Variants in FAF1 observed in about 807,000 individuals in gnomAD.
FAF1 encodes the protein Fas associated factor 1.
A neutral mutation model predicts 92.5 loss-of-function variants in FAF1; 25 were observed. The observed-to-expected ratio is 0.27, with a 90% CI of 0.20 to 0.38. The LOEUF (loss-of-function observed/expected upper bound fraction) is 0.38. Ranked by LOEUF, FAF1 falls within the 10% of genes least tolerant of loss-of-function variation. The pLI is 1.00. For synonymous variants in FAF1, 234 were observed against 273.2 expected, an observed-to-expected ratio of 0.86 and a Z score of 1.42; for missense variants, 636 against 793.3, an observed-to-expected ratio of 0.80 and a Z score of 2.38.
At chr1:50,509,643 G>A (rs1647107896) in intron 15 of FAF1, among the ~76,000 whole-genome samples, 1 of 151,938 alleles carries the variant, frequency 6.6e-6, no homozygotes, top group Non-Finnish European at 1.5e-5. Context: ...CAAAAGAAGT[G>A]CCTGGTAATA....
intron 6 of FAF1, among the ~76,000 whole-genome samples, chr1:50,719,016 T>C (rs553175413): frequency 2.0e-5 from 3 of 152,208 alleles, no homozygotes; most frequent in Non-Finnish European, 4.4e-5. Context: ...TTGTAGCTAA[T>C]GCAGCTAGCA....
At chr1:50,466,322 A>C (rs2148992766) in intron 18 of FAF1, among the ~76,000 whole-genome samples, 1 of 152,314 alleles carries the variant, frequency 6.6e-6, no homozygotes, top group East Asian at 1.9e-4. Flanking sequence ...TAATCAGATA[A>C]GGAAGACTAT....
intron 1 of FAF1, among the ~76,000 whole-genome samples, chr1:50,947,360 T>G (rs753834384): frequency 6.6e-6 from 1 of 152,184 alleles, no homozygotes; most frequent in African/African-American, 2.4e-5. Flanking sequence ...GCACATAACC[T>G]GAAAACTCCT....
At chr1:50,698,010 A>G (rs1411808008) in intron 7 of FAF1, among the ~76,000 whole-genome samples, 1 of 152,208 alleles carries the variant, frequency 6.6e-6, no homozygotes, top group African/African-American at 2.4e-5. Context: ...GTTGTAACCA[A>G]ATAACCTTTG....
At chr1:50,899,804 C>T (rs981168573) in intron 1 of FAF1, among the ~76,000 whole-genome samples, 1 of 152,140 alleles carries the variant, frequency 6.6e-6, no homozygotes, top group Non-Finnish European at 1.5e-5. Context: ...ATTGATCTTT[C>T]TCAGGCTTCT....
At chr1:50,591,054 C>T (rs1651479703) in intron 9 of FAF1, among the ~76,000 whole-genome samples, 2 of 151,212 alleles carry the variant, frequency 1.3e-5, no homozygotes, top group African/African-American at 4.8e-5. Context: ...AGTTTTCAGT[C>T]TTTCACCCTT....
intron 9 of FAF1, among the ~76,000 whole-genome samples, chr1:50,591,580 C>T (rs79206010): frequency 0.048 from 7,175 of 149,022 alleles, 554 homozygotes; most frequent in African/African-American, 0.16. Context: ...GACTGAGGCA[C>T]GAGAATAGCT....
intron 9 of FAF1, among the ~76,000 whole-genome samples, chr1:50,589,543 A>C (rs994235443): frequency 1.1e-4 from 17 of 152,100 alleles, no homozygotes; most frequent in African/African-American, 4.1e-4. Flanking sequence ...TATATTACTT[A>C]GTTTTAGGAG....
chr1:50,549,698 C>T (rs894836608), intron 13 of FAF1, among the ~76,000 whole-genome samples: 19 of 152,008 alleles, frequency 1.2e-4, no homozygotes, highest in South Asian at 6.2e-4. Context: ...TTGCTTGAAC[C>T]GGGGAGGTGG....
chr1:50,472,669 C>T (rs1646591578), intron 18 of FAF1, among the ~76,000 whole-genome samples: 1 of 152,128 alleles, frequency 6.6e-6, no homozygotes, highest in Admixed American at 6.6e-5. Flanking sequence ...AAACCAGTCT[C>T]TGCTTTGTGG....
intron 8 of FAF1, among the ~76,000 whole-genome samples, chr1:50,616,683 T>A (rs1284175238): frequency 7.5e-6 from 1 of 132,958 alleles, no homozygotes; most frequent in Admixed American, 7.1e-5. Context: ...GTATACTGAT[T>A]TTTTTTTTTT....
At position 50,959,921 on chromosome 1, in the gene FAF1, G is replaced by T; in HGVS notation, c.-110C>A. 1 of 639,438 alleles carries T rather than the reference G, an allele frequency of 1.6e-6. No individual in the cohort carries two copies. Among genetic ancestry groups the T allele is most frequent in the South Asian group, 7.1e-5 (1 of 14,058 alleles). The allele number at this position is 639,438 out of a possible 1,614,324, so 39.6% of individuals were successfully genotyped here. On this transcript the variant is annotated 5_prime_UTR_variant, in exon 1 of 19. Coordinates refer to ENST00000396153, the MANE Select transcript of FAF1 (RefSeq NM_007051.3). ...CCGCCGCCGCCGCCGGGCGCCGAGG[G>T]GCTGGCGGGCGAGCCGGCGGGCGGG...
intron 18 of FAF1, among the ~76,000 whole-genome samples, chr1:50,461,010 G>A (rs148378561): frequency 3.1e-4 from 47 of 152,234 alleles, no homozygotes; most frequent in African/African-American, 1.0e-3. Flanking sequence ...GTTATGTACC[G>A]AGTGGTTGAT....
At chr1:50,468,021 C>G (rs1007529756) in intron 18 of FAF1, among the ~76,000 whole-genome samples, 1 of 152,080 alleles carries the variant, frequency 6.6e-6, no homozygotes, top group African/African-American at 2.4e-5. Context: ...CTAGTCTGGG[C>G]AACATGGCAA....
chr1:50,749,967 A>G (rs1428141069), intron 4 of FAF1, among the ~76,000 whole-genome samples: 3 of 152,160 alleles, frequency 2.0e-5, no homozygotes, highest in African/African-American at 7.2e-5. Context: ...TTTGAGTTGT[A>G]TTATTATTAT....
intron 17 of FAF1, among the ~76,000 whole-genome samples, chr1:50,488,905 T>C (rs1646797623): frequency 6.6e-6 from 1 of 152,198 alleles, no homozygotes; most frequent in African/African-American, 2.4e-5. Context: ...GTCCTCAGAG[T>C]GCAGACTAGG....
chr1:50,692,061 C>A (rs1268636313), intron 7 of FAF1, among the ~76,000 whole-genome samples: 1 of 152,020 alleles, frequency 6.6e-6, no homozygotes, highest in Non-Finnish European at 1.5e-5. Flanking sequence ...ACAAAAAATA[C>A]AAAAATTAGC....
rs74700695 is a variant in FAF1, at chr1:50,911,014, T to A, written c.45+48753A>T. On this transcript the variant is annotated intron_variant, in intron 1 of 18. Coordinates refer to ENST00000396153, the MANE Select transcript of FAF1 (RefSeq NM_007051.3). Reference sequence around the variant, plus strand: ...CCTATTTGGCCATCTTGGAACCTCCTTTCACCTTCCTTTTTCTCCTAAGGT... The same window carrying A: ...CCTATTTGGCCATCTTGGAACCTCCATTCACCTTCCTTTTTCTCCTAAGGT... Among the ~76,000 whole-genome samples the A allele has an allele frequency of 7.7e-3, 1,174 of 152,120 alleles. 13 individuals are homozygous for A. The highest frequency in any genetic ancestry group is 0.027 in the African/African-American group (1,134 of 41,532).
intron 2 of FAF1, among the ~76,000 whole-genome samples, chr1:50,805,212 TAAG>T (rs1662145878): frequency 6.6e-6 from 1 of 152,240 alleles, no homozygotes; most frequent in Non-Finnish European, 1.5e-5. Context: ...TAATGTATTT[TAAG>T]AAGAACATCT....
Sources: allele counts gnomAD v4.1 joint callset (sites outside exome capture counted in the v4.1 genomes callset), GRCh38; gene constraint gnomAD v4.1.1; transcripts MANE v1.5; gene names NCBI Gene and HGNC (gene_info 2026-07-23, HGNC 2026-07-21).